DCLK1: variants seen among roughly 807,000 people sequenced by gnomAD.
The protein encoded by DCLK1 is serine/threonine-protein kinase DCLK1.
DCLK1 carries 16 observed loss-of-function variants against 86.2 expected under a neutral mutation model. The ratio of observed to expected loss-of-function variants is 0.19; its 90% CI spans 0.13 to 0.28. The LOEUF is 0.28. Ranked by LOEUF, DCLK1 falls within the 10% of genes least tolerant of loss-of-function variation. The probability of loss-of-function intolerance (pLI) is 1.00; values close to 1 mark genes in which losing one functional copy is unlikely to be tolerated. For synonymous variants in DCLK1, 369 were observed against 370.5 expected, an observed-to-expected ratio of 1.00 and a Z score of 0.05; for missense variants, 590 against 940.2, an observed-to-expected ratio of 0.63 and a Z score of 4.87.
intron 3 of DCLK1, among the ~76,000 whole-genome samples, chr13:35,981,042 G>A (rs905578887): frequency 2.6e-5 from 4 of 152,080 alleles, no homozygotes; most frequent in African/African-American, 9.7e-5. Context: ...TCAAAAGAGA[G>A]CCAAAGAGGT....
At chr13:35,838,550 C>A (rs1869560878) in intron 7 of DCLK1, among the ~76,000 whole-genome samples, 2 of 152,166 alleles carry the variant, frequency 1.3e-5, no homozygotes, top group South Asian at 4.1e-4. Context: ...GTGAAAAAGT[C>A]ATTTCTGGAA....
At chr13:36,107,543 T>C (rs1885442506) in intron 3 of DCLK1, among the ~76,000 whole-genome samples, 1 of 152,150 alleles carries the variant, frequency 6.6e-6, no homozygotes, top group South Asian at 2.1e-4. Flanking sequence ...ATCTTTGATG[T>C]TGAAAAGTAG....
intron 3 of DCLK1, among the ~76,000 whole-genome samples, chr13:36,046,469 GA>G (rs1593845018): frequency 6.6e-6 from 1 of 152,142 alleles, no homozygotes; most frequent in East Asian, 1.9e-4. Context: ...ACATTCTCAA[GA>G]AAGCCAAAAA....
chr13:36,076,379 GAAT>G (rs1884214585), intron 3 of DCLK1, among the ~76,000 whole-genome samples: 1 of 152,112 alleles, frequency 6.6e-6, no homozygotes, highest in Non-Finnish European at 1.5e-5. Context: ...CTTCCTGACA[GAAT>G]AAAAACTGTT....
chr13:35,861,468 C>T (rs1394300298), intron 5 of DCLK1, among the ~76,000 whole-genome samples: 8 of 152,196 alleles, frequency 5.3e-5, no homozygotes, highest in African/African-American at 1.9e-4. Flanking sequence ...AAGCCTGGAG[C>T]CAGCCTGGGA....
intron 4 of DCLK1, among the ~76,000 whole-genome samples, chr13:35,877,793 T>C (rs4146589): frequency 0.078 from 11,885 of 152,216 alleles, 635 homozygotes; most frequent in East Asian, 0.25. Flanking sequence ...GTACAAAGCC[T>C]GTAAATGGAA....
At chr13:35,921,836 G>C (rs1361425474) in intron 4 of DCLK1, among the ~76,000 whole-genome samples, 1 of 152,194 alleles carries the variant, frequency 6.6e-6, no homozygotes, top group Admixed American at 6.5e-5. Context: ...GTGGGGAAAA[G>C]ACCAGGTGAC....
chr13:35,971,357 T>C (rs1362885685), intron 3 of DCLK1, among the ~76,000 whole-genome samples: 2 of 152,182 alleles, frequency 1.3e-5, no homozygotes, highest in African/African-American at 4.8e-5. Flanking sequence ...TGCATGCTAG[T>C]TCCCATTTTA....
intron 10 of DCLK1, 37 bp downstream of exon 10, chr13:35,827,598 C>T: frequency 6.2e-7 from 1 of 1,612,032 alleles, no homozygotes; most frequent in Non-Finnish European, 8.5e-7. Context: ...AGTGCGGTGC[C>T]ATCAATAAAG....
intron 4 of DCLK1, among the ~76,000 whole-genome samples, chr13:35,929,003 C>A (rs1876278461): frequency 6.6e-6 from 1 of 152,146 alleles, no homozygotes; most frequent in Non-Finnish European, 1.5e-5. Flanking sequence ...GATCTCAGCT[C>A]ACTGCAAGCT....
At chr13:35,786,091 C>A (rs919892287) in intron 16 of DCLK1, among the ~76,000 whole-genome samples, 1 of 152,266 alleles carries the variant, frequency 6.6e-6, no homozygotes, top group East Asian at 1.9e-4. Context: ...TGCTCCTGCC[C>A]ATTATTCAGG....
chr13:35,846,376 A>G, intron 6 of DCLK1: 3 of 985,354 alleles, frequency 3.0e-6, no homozygotes, highest in African/African-American at 1.7e-5. Context: ...TTCTTTGCCT[A>G]TAACTTTTAG....
chr13:36,042,561 T>C (rs1265776132), intron 3 of DCLK1, among the ~76,000 whole-genome samples: 1 of 152,164 alleles, frequency 6.6e-6, no homozygotes, highest in African/African-American at 2.4e-5. Flanking sequence ...GGAGAGAAAA[T>C]GTTCAAATAA....
intron 3 of DCLK1, among the ~76,000 whole-genome samples, chr13:36,072,029 C>T (rs1377507476): frequency 3.9e-5 from 6 of 152,170 alleles, no homozygotes; most frequent in Admixed American, 3.9e-4. Flanking sequence ...CAGATTGAAG[C>T]CATTCTTACT....
intron 15 of DCLK1, among the ~76,000 whole-genome samples, chr13:35,794,931 T>G (rs1261631021): frequency 1.3e-5 from 2 of 152,196 alleles, no homozygotes; most frequent in Non-Finnish European, 2.9e-5. Context: ...ATGTTAGGAA[T>G]AGCAGAGTGT....
intron 8 of DCLK1, among the ~76,000 whole-genome samples, chr13:35,828,973 T>TTTCTTTA (rs1349064243): frequency 6.6e-6 from 1 of 152,124 alleles, no homozygotes; most frequent in African/African-American, 2.4e-5. Context: ...GATGATATGG[T>TTTCTTTA]CAAGGTGTAA....
upstream of DCLK1, among the ~76,000 whole-genome samples, chr13:36,131,770 C>T (rs1194298590): frequency 2.0e-5 from 3 of 152,196 alleles, no homozygotes; most frequent in Admixed American, 6.5e-5. Context: ...ACACTCATAC[C>T]TTTTGATGTG....
At chr13:35,825,873 C>T (rs534648427) in intron 10 of DCLK1, among the ~76,000 whole-genome samples, 6 of 151,456 alleles carry the variant, frequency 4.0e-5, no homozygotes, top group Non-Finnish European at 8.8e-5. Context: ...AGTGCAATGG[C>T]GCGATCTTGG....
intron 3 of DCLK1, among the ~76,000 whole-genome samples, chr13:36,048,933 C>T (rs1335088975): frequency 6.6e-6 from 1 of 152,188 alleles, no homozygotes; most frequent in African/African-American, 2.4e-5. Context: ...TATCCAGTAG[C>T]ATTGCTGGGC....
Sources: allele counts gnomAD v4.1 joint callset (sites outside exome capture counted in the v4.1 genomes callset), GRCh38; gene constraint gnomAD v4.1.1; transcripts MANE v1.5; gene names NCBI Gene and HGNC (gene_info 2026-07-23, HGNC 2026-07-21).